Variants in OSBPL11 observed in about 807,000 individuals in gnomAD.
OSBPL11 encodes oxysterol-binding protein-related protein 11.
In OSBPL11, 33 loss-of-function variants were observed where a neutral mutation model predicts 84.4. The ratio of observed to expected loss-of-function variants is 0.39; its 90% CI spans 0.30 to 0.52. OSBPL11 has a LOEUF of 0.52. Among genes scored for constraint, OSBPL11 ranks in the 20% least tolerant of loss-of-function variants. The probability of loss-of-function intolerance (pLI) is 0.72; values close to 1 mark genes in which losing one functional copy is unlikely to be tolerated. For synonymous variants in OSBPL11, 276 were observed against 310.2 expected (o/e 0.89, Z 1.16); for missense variants, 736 against 901.1 (o/e 0.82, Z 2.35).
At position 125,552,699 on chromosome 3, in the gene OSBPL11, AAG is replaced by A. The variant is rs747873766; in HGVS notation, c.1156-22_1156-21del. ...CACCACCTAAAACAACAATCAATGA[AAG>A]AGGGGAAATTTAATCCATGTGTAGC... On this transcript the variant is annotated intron_variant, in intron 8 of 12. Transcript: ENST00000296220. The A allele has an allele frequency of 1.6e-5, 25 of 1,598,482 alleles. 1 individual carries two copies. Among genetic ancestry groups the A allele is most frequent in the South Asian group, 2.3e-5 (2 of 88,844 alleles).
At chr3:125,582,773 T>C (rs1314275590) in intron 2 of OSBPL11, 137 bp downstream of exon 2, 2 of 699,120 alleles carry the variant, frequency 2.9e-6, no homozygotes, top group Non-Finnish European at 4.8e-6. Context: ...TCACCAAACT[T>C]TTAGAAGCTG....
At chr3:125,537,323 T>C (rs1446630875) in intron 11 of OSBPL11, among the ~76,000 whole-genome samples, 2 of 152,100 alleles carry the variant, frequency 1.3e-5, no homozygotes, top group Non-Finnish European at 2.9e-5. Context: ...CTGCCTAGAT[T>C]AGTCCTAAGG....
At chr3:125,583,648 T>C (rs1936461904) in intron 1 of OSBPL11, among the ~76,000 whole-genome samples, 1 of 150,266 alleles carries the variant, frequency 6.7e-6, no homozygotes, top group Non-Finnish European at 1.5e-5. Flanking sequence ...CCCAACACTT[T>C]GGGAGATCAA....
In OSBPL11 at chr3:125,594,717, C is replaced by T. The variant is rs781684709; in HGVS notation, c.84G>A (p.Pro28=). Reference sequence around the variant, plus strand: ...CACCTCCACAGCTGCTGTTCTTGTTCGGGGTCACCGCTGTGGCCTGGCCCT... The same window carrying T: ...CACCTCCACAGCTGCTGTTCTTGTTTGGGGTCACCGCTGTGGCCTGGCCCT... ...KLEGQATAVT[P]NKNSSCGGGI... The change falls in exon 1 of 13, where the codon CCG becomes CCA. Residue 28 remains proline (P), a synonymous_variant. Transcript: ENST00000296220. 10 of 1,614,004 alleles carry T rather than the reference C, an allele frequency of 6.2e-6. No homozygotes were observed. The South Asian group carries it at 7.7e-5, about 12-fold the overall frequency.
rs946370737 is a variant in OSBPL11 at position 125,576,492 on chromosome 3, C to T, written c.490-127G>A. On this transcript the variant is annotated intron_variant, in intron 4 of 12. Coordinates refer to ENST00000296220, the MANE Select transcript of OSBPL11 (RefSeq NM_022776.5). ...AAAATTAAATTAACTTCAGAATTGA[C>T]TATGAGAACATTTCCAAAGATAAAA... 26 of 637,600 alleles carry T rather than the reference C, an allele frequency of 4.1e-5. No homozygotes were observed. The African/African-American group carries it at 5.0e-4, about 12-fold the overall frequency. The allele number at this position is 637,600 out of a possible 1,614,324, so 39.5% of individuals were successfully genotyped here.
intron 11 of OSBPL11, among the ~76,000 whole-genome samples, chr3:125,534,261 T>TAGTCCC (rs1417726204): frequency 6.6e-6 from 1 of 152,030 alleles, no homozygotes; most frequent in East Asian, 1.9e-4. Context: ...CACACGCCTG[T>TAGTCCC]AGTCCCAGCT....
At chr3:125,538,084 A>G (rs1294513365) in intron 11 of OSBPL11, among the ~76,000 whole-genome samples, 4 of 152,172 alleles carry the variant, frequency 2.6e-5, no homozygotes, top group African/African-American at 9.7e-5. Context: ...AGATGTTCCG[A>G]TATTTTTGCA....
At chr3:125,570,067 C>T (rs1308262859) in intron 5 of OSBPL11, among the ~76,000 whole-genome samples, 1 of 152,080 alleles carries the variant, frequency 6.6e-6, no homozygotes, top group African/African-American at 2.4e-5. Flanking sequence ...GAAAAAGAAT[C>T]TTAAGACATT....
At chr3:125,582,654 C>A (rs528579578) in intron 2 of OSBPL11, among the ~76,000 whole-genome samples, 1 of 152,272 alleles carries the variant, frequency 6.6e-6, no homozygotes, top group South Asian at 2.1e-4. Context: ...GTATACAATG[C>A]CCAAGCCAGG....
intron 10 of OSBPL11, among the ~76,000 whole-genome samples, chr3:125,542,383 G>A (rs1580037416): frequency 1.3e-5 from 2 of 151,200 alleles, no homozygotes; most frequent in South Asian, 2.1e-4. Context: ...GCAATGGTGC[G>A]ATCTCGGCTC....
At position 125,552,168 on chromosome 3, in the gene OSBPL11, T is replaced by G. The variant is rs1935921661; in HGVS notation, c.1654+13A>C. 3 of 1,470,322 alleles carry G rather than the reference T, an allele frequency of 2.0e-6. No individual in the cohort carries two copies. In the African/African-American group the frequency reaches 4.2e-5, roughly 21 times the overall value. 91.1% of individuals were successfully genotyped at this position (1,470,322 alleles called of 1,614,324 possible). ...ATATATATATATATATATAAAATAA[T>G]TTTTCTACTTACCTTCTCCAACCAT... On this transcript the variant is annotated intron_variant, in intron 9 of 12. Transcript: ENST00000296220.
At chr3:125,564,499 GT>G (rs1307802091) in intron 6 of OSBPL11, among the ~76,000 whole-genome samples, 1 of 152,136 alleles carries the variant, frequency 6.6e-6, no homozygotes, top group Non-Finnish European at 1.5e-5. Context: ...CCCTCGACTA[GT>G]TTAACAAAGT....
At chr3:125,543,280 TGCCACCATGCCCA>T (rs199956137) in intron 10 of OSBPL11, among the ~76,000 whole-genome samples, 1,759 of 151,724 alleles carry the variant, frequency 0.012, 15 homozygotes, top group Non-Finnish European at 0.02. Flanking sequence ...TACAGGTGCG[TGCCACCATGCCCA>T]GCTAATGTTT....
intron 8 of OSBPL11, among the ~76,000 whole-genome samples, chr3:125,553,444 G>C (rs1405853160): frequency 6.6e-6 from 1 of 152,126 alleles, no homozygotes; most frequent in African/African-American, 2.4e-5. Context: ...TTTCCAATAA[G>C]AGAAATTTTT....
intron 5 of OSBPL11, among the ~76,000 whole-genome samples, chr3:125,571,000 A>G (rs372442491): frequency 8.4e-4 from 128 of 152,322 alleles, no homozygotes; most frequent in African/African-American, 2.9e-3. Context: ...AGACAGGAAA[A>G]TGTGGGAAAG....
chr3:125,537,411 T>C (rs1296046434), intron 11 of OSBPL11, among the ~76,000 whole-genome samples: 1 of 152,094 alleles, frequency 6.6e-6, no homozygotes, highest in Non-Finnish European at 1.5e-5. Context: ...ATAATATCTC[T>C]GTATTGTTAT....
At chr3:125,580,824 TACA>T (rs1936412583) in intron 2 of OSBPL11, among the ~76,000 whole-genome samples, 2 of 152,074 alleles carry the variant, frequency 1.3e-5, no homozygotes, top group African/African-American at 2.4e-5. Flanking sequence ...TAGTGAAATA[TACA>T]ACAAGAATAA....
rs1218005640 is a variant in OSBPL11 at position 125,577,828 on chromosome 3, C to CA, written c.489+1131dup. On this transcript the variant is annotated intron_variant, in intron 4 of 12. Transcript: ENST00000296220. ...TGGGTAACAGAGTGAGACTCCATCT[C>CA]AAAAAAAAAAAGAAATTAAAAAAAG... Among the ~76,000 whole-genome samples, 409 of 133,080 alleles carry CA rather than the reference C, an allele frequency of 3.1e-3. 3 individuals are homozygous for CA. Among genetic ancestry groups the CA allele is most frequent in the Middle Eastern group, 0.023 (6 of 262 alleles). The allele number at this position is 133,080 out of a possible 152,430, so 87.3% of individuals were successfully genotyped here. A position where few individuals can be genotyped will look rare whatever the true frequency, so the allele number is the denominator to read the frequency against.
intron 9 of OSBPL11, among the ~76,000 whole-genome samples, chr3:125,551,295 TA>T (rs1225636024): frequency 2.6e-5 from 4 of 151,380 alleles, no homozygotes; most frequent in Non-Finnish European, 5.9e-5. Context: ...ATATTTAATT[TA>T]AAAAGCAGGA....
Sources: allele counts gnomAD v4.1 joint callset (sites outside exome capture counted in the v4.1 genomes callset), GRCh38; gene constraint gnomAD v4.1.1; transcripts MANE v1.5; gene names NCBI Gene and HGNC (gene_info 2026-07-23, HGNC 2026-07-21).